TRPV3: variants seen among roughly 807,000 people sequenced by gnomAD.
TRPV3 encodes the protein transient receptor potential cation channel subfamily V member 3.
A neutral mutation model predicts 87.1 loss-of-function variants in TRPV3; 88 were observed. The observed-to-expected ratio is 1.01, with a 90% CI of 0.85 to 1.21. The LOEUF (loss-of-function observed/expected upper bound fraction) is 1.21, where lower values mean the gene tolerates loss of function less well. TRPV3 is among the 50% of genes most tolerant of loss of function. The pLI is 0.00. For missense variants in TRPV3, 1,054 were observed against 1,030.1 expected (o/e 1.02, Z -0.32); for synonymous variants, 438 against 423.3 (o/e 1.03, Z -0.43).
intron 2 of TRPV3, among the ~76,000 whole-genome samples, chr17:3,551,908 A>G (rs2074579169): frequency 1.6e-5 from 1 of 64,466 alleles, no homozygotes; most frequent in Admixed American, 2.5e-4. Context: ...TTGGAGATGG[A>G]ATCTTGCTAT....
At chr17:3,529,219 G>A (rs1394170503) in intron 9 of TRPV3, among the ~76,000 whole-genome samples, 1 of 152,174 alleles carries the variant, frequency 6.6e-6, no homozygotes, top group Non-Finnish European at 1.5e-5. Context: ...CGGGCTTGCA[G>A]CAGGAGGACC....
chr17:3,514,776 T>C, intron 16 of TRPV3, 104 bp from the exon 17 acceptor site: 2 of 877,406 alleles, frequency 2.3e-6, no homozygotes, highest in South Asian at 1.5e-5. Flanking sequence ...GCTCCCCTTC[T>C]GTCTGTCCTA....
intron 7 of TRPV3, among the ~76,000 whole-genome samples, chr17:3,534,520 G>GACGGAGCCAT (rs2074381823): frequency 6.6e-6 from 1 of 152,222 alleles, no homozygotes; most frequent in South Asian, 2.1e-4. Flanking sequence ...TTTTGTGTGT[G>GACGGAGCCAT]ACGGAGCCAT....
Position 3,554,790 on chromosome 17 carries a change from C to A in TRPV3, c.61G>T (p.Gly21Trp). ...TTCTCTGGCAGGATGGCAGGGTTCC[C>A]ACTGGGGGCAGCAACTCTCTTGCCC... ...LMGKRVAAPSGNPAILPEKRP... is the reference protein window; with the variant it reads ...LMGKRVAAPSWNPAILPEKRP... The change falls in exon 2 of 18, where the codon GGG becomes TGG. Residue 21 changes from glycine (G) to tryptophan (W), a missense_variant. Coordinates refer to ENST00000576742, the MANE Select transcript of TRPV3 (RefSeq NM_145068.4). 1 of 1,612,934 alleles carries A rather than the reference C, an allele frequency of 6.2e-7. No individual in the cohort carries two copies. Among genetic ancestry groups the A allele is most frequent in the East Asian group, 2.2e-5 (1 of 44,842 alleles).
intron 12 of TRPV3, among the ~76,000 whole-genome samples, chr17:3,525,723 A>C (rs1218183261): frequency 6.6e-6 from 1 of 150,546 alleles, no homozygotes; most frequent in Non-Finnish European, 1.5e-5. Flanking sequence ...TGGTTCAAGC[A>C]ATTCTCCTGC....
In TRPV3 at chr17:3,518,431, C is replaced by T. The variant is rs1267730816; in HGVS notation, c.2085+145G>A. ...ACACTCAAAGAACCTAGGCTAAGGC[C>T]TCCTCAAACCTGGCCACACACTGAG... On this transcript the variant is annotated intron_variant, in intron 15 of 17. Coordinates refer to ENST00000576742, the MANE Select transcript of TRPV3 (RefSeq NM_145068.4). This position sits in a 1 kb window ranked among gnomAD's most constrained non-coding sequence, Gnocchi z 4.3. The T allele has an allele frequency of 2.1e-6, 2 of 946,770 alleles. No individual in the cohort carries two copies. Among genetic ancestry groups the T allele is most frequent in the East Asian group, 2.6e-5 (1 of 37,838 alleles). 58.6% of individuals were successfully genotyped at this position (946,770 alleles called of 1,614,324 possible). A position where few individuals can be genotyped will look rare whatever the true frequency, so the allele number is the denominator to read the frequency against.
intron 2 of TRPV3, among the ~76,000 whole-genome samples, chr17:3,547,253 G>C (rs1014882927): frequency 6.6e-6 from 1 of 152,232 alleles, no homozygotes; most frequent in Admixed American, 6.5e-5. Flanking sequence ...GAGGGAGAGG[G>C]AGATGGCTGG....
chr17:3,533,155 C>A (rs1222035384), intron 7 of TRPV3, among the ~76,000 whole-genome samples: 1 of 152,188 alleles, frequency 6.6e-6, no homozygotes, highest in African/African-American at 2.4e-5. Flanking sequence ...CTTTAATACT[C>A]TGCTCAGCAC....
intron 15 of TRPV3, among the ~76,000 whole-genome samples, chr17:3,517,106 T>C (rs2074189910): frequency 6.6e-6 from 1 of 151,800 alleles, no homozygotes; most frequent in Non-Finnish European, 1.5e-5. Flanking sequence ...GATCCCACCA[T>C]TGCACTCCAG....
intron 12 of TRPV3, among the ~76,000 whole-genome samples, chr17:3,525,682 T>A (rs2074293732): frequency 6.6e-6 from 1 of 151,588 alleles, no homozygotes; most frequent in Admixed American, 6.6e-5. Context: ...TACAGTGGCA[T>A]GATCTCGGCT....
chr17:3,515,330 G>A (rs1389885768), intron 16 of TRPV3, among the ~76,000 whole-genome samples: 3 of 152,184 alleles, frequency 2.0e-5, no homozygotes, highest in South Asian at 2.1e-4. Context: ...GGCTCAGGCA[G>A]TTGGGTCAGG....
At chr17:3,529,676 A>G (rs1401038853) in intron 9 of TRPV3, among the ~76,000 whole-genome samples, 5 of 151,982 alleles carry the variant, frequency 3.3e-5, no homozygotes, top group South Asian at 2.1e-4. Flanking sequence ...GTATACACCA[A>G]CGGGGGGTGG....
Position 3,530,109 on chromosome 17 carries a change from G to A in TRPV3, c.1160C>T (p.Ser387Phe), listed in dbSNP as rs762109519. The A allele has an allele frequency of 6.2e-7, 1 of 1,614,046 alleles. No individual in the cohort carries two copies. Among genetic ancestry groups the A allele is most frequent in the Non-Finnish European group, 8.5e-7 (1 of 1,180,030 alleles). Reference protein sequence around the residue: ...FTDWAYGPVSSSLYDLTNVDT... With the variant: ...FTDWAYGPVSFSLYDLTNVDT... ...CACGTTGGTGAGGTCGTAGAGGGAG[G>A]ATGACACGGGTCCGTACGCCCAGTC... The change falls in exon 9 of 18, where the codon TCC becomes TTC. Residue 387 changes from serine (S) to phenylalanine (F), a missense_variant. Transcript: ENST00000576742. The surrounding 1 kb of genome is among the most constrained non-coding windows in gnomAD (Gnocchi z 4.0).
chr17:3,536,624 C>T (rs1259223669), intron 6 of TRPV3, among the ~76,000 whole-genome samples: 1 of 151,990 alleles, frequency 6.6e-6, no homozygotes, highest in Non-Finnish European at 1.5e-5. Context: ...ATGATGAGGC[C>T]TGGACTAAGG....
At chr17:3,542,347 G>C (rs2074471394) in intron 6 of TRPV3, among the ~76,000 whole-genome samples, 175 bp downstream of exon 6, 2 of 152,212 alleles carry the variant, frequency 1.3e-5, no homozygotes, top group Non-Finnish European at 2.9e-5. Flanking sequence ...AAAATTATTT[G>C]CAGAATGAAG....
Position 3,518,043 on chromosome 17 carries a change from T to A in TRPV3, c.2085+533A>T, listed in dbSNP as rs1597465960. ...CATGTTGGCCAAGCTGGGCTCGAAC[T>A]CTTGACCTCAGGTGATCCACCCGCT... On this transcript the variant is annotated intron_variant, in intron 15 of 17. Transcript: ENST00000576742. The surrounding 1 kb of genome is among the most constrained non-coding windows in gnomAD (Gnocchi z 4.3). Among the ~76,000 whole-genome samples, 1 of 152,060 alleles carries A rather than the reference T, an allele frequency of 6.6e-6. No homozygotes were observed. The highest frequency in any genetic ancestry group is 2.1e-4 in the South Asian group (1 of 4,810).
intron 2 of TRPV3, chr17:3,546,838 TGC>T (rs2074530845): frequency 1.5e-5 from 5 of 334,234 alleles, no homozygotes; most frequent in Non-Finnish European, 2.4e-5. Context: ...TGTGGTGGTA[TGC>T]GCCTGTAATC....
At chr17:3,547,398 G>A (rs395735) in intron 2 of TRPV3, among the ~76,000 whole-genome samples, 40,995 of 152,088 alleles carry the variant, frequency 0.27, 6,746 homozygotes, top group Non-Finnish European at 0.37. Flanking sequence ...AGGCAGGAGG[G>A]TCACTTGAGG....
In TRPV3 at chr17:3,535,629, G is replaced by T. The variant is rs765821898; in HGVS notation, c.728C>A (p.Ala243Glu). ...GTTGAAGAAGGCCCCCTTGGCGTGC[G>T]CGTTGACGTCGGCGCCGGCGGCGAT... ...LLIAAGADVN[A>E]HAKGAFFNPK... The change falls in exon 7 of 18, where the codon GCG becomes GAG. Residue 243 changes from alanine to glutamate, a missense_variant. Physicochemically the swap from Ala to Glu is moderately radical, Grantham distance 107. Transcript: ENST00000576742. The T allele has an allele frequency of 1.9e-6, 3 of 1,609,432 alleles. No individual in the cohort carries two copies. The highest frequency in any genetic ancestry group is 2.5e-6 in the Non-Finnish European group (3 of 1,178,678).
Sources: allele counts gnomAD v4.1 joint callset (sites outside exome capture counted in the v4.1 genomes callset), GRCh38; gene constraint gnomAD v4.1.1; non-coding constraint Gnocchi (gnomAD v3.1); transcripts MANE v1.5; gene names NCBI Gene and HGNC (gene_info 2026-07-23, HGNC 2026-07-21).